Variants in LIMA1 observed in about 807,000 individuals in gnomAD.
The protein encoded by LIMA1 is LIM domain and actin-binding protein 1.
A neutral mutation model predicts 62.6 loss-of-function variants in LIMA1; 52 were observed. The ratio of observed to expected loss-of-function variants is 0.83; its 90% confidence interval spans 0.67 to 1.05. LIMA1 has a LOEUF of 1.05. LIMA1 is among the 50% of genes least tolerant of loss of function. The pLI is 0.00. For synonymous variants in LIMA1, 302 were observed against 317.8 expected (o/e 0.95, Z 0.53); for missense variants, 780 against 902.2 (o/e 0.86, Z 1.74).
intron 1 of LIMA1, among the ~76,000 whole-genome samples, chr12:50,265,076 C>CT (rs1479480426): frequency 6.6e-6 from 1 of 150,956 alleles, no homozygotes; most frequent in Non-Finnish European, 1.5e-5. Context: ...TTGCCTGAGC[C>CT]TAGGAGATTG....
At chr12:50,184,239 G>A (rs1000456777) in intron 9 of LIMA1, among the ~76,000 whole-genome samples, 4 of 152,182 alleles carry the variant, frequency 2.6e-5, no homozygotes, top group African/African-American at 7.2e-5. Context: ...ACACATTATC[G>A]TATTTGGAGT....
intron 8 of LIMA1, among the ~76,000 whole-genome samples, chr12:50,193,579 ATACATG>A (rs1285255288): frequency 1.5e-5 from 2 of 136,700 alleles, no homozygotes; most frequent in African/African-American, 5.5e-5. Flanking sequence ...TGATATATAT[ATACATG>A]TATATATGAT....
chr12:50,237,616 A>C (rs1242046669), intron 2 of LIMA1, among the ~76,000 whole-genome samples: 1 of 152,130 alleles, frequency 6.6e-6, no homozygotes, highest in African/African-American at 2.4e-5. Context: ...CAGCCTGGGC[A>C]ACAGAGTGAG....
chr12:50,237,332 G>A (rs1289622204), intron 2 of LIMA1, among the ~76,000 whole-genome samples: 1 of 152,130 alleles, frequency 6.6e-6, no homozygotes, highest in South Asian at 2.1e-4. Flanking sequence ...TAATGCCACT[G>A]AACTGTGTTC....
At chr12:50,208,386 T>C (rs565470750) in intron 4 of LIMA1, among the ~76,000 whole-genome samples, 106 of 152,280 alleles carry the variant, frequency 7.0e-4, no homozygotes, top group African/African-American at 2.5e-3. Flanking sequence ...CTCAGGAGGC[T>C]GAAGCAGGAG....
At chr12:50,273,994 GA>G (rs1434741247) in intron 1 of LIMA1, among the ~76,000 whole-genome samples, 5 of 152,148 alleles carry the variant, frequency 3.3e-5, no homozygotes, top group African/African-American at 4.8e-5. Context: ...CTGGATCCTG[GA>G]AACACCTTAG....
chr12:50,206,051 G>A lies in LIMA1; in HGVS notation c.648C>T (p.Ser216=). The change falls in exon 5 of 11, where the codon AGC becomes AGT. Residue 216 remains serine, a synonymous_variant. Transcript: ENST00000341247. ...PTQTKILRAQ[S]RSASGRKISE... is the part of the protein sequence containing the mutation. The stretch of plus-strand genomic sequence containing the variant: ...AGATCTTCCTTCCACTTGCACTTCG[G>A]CTTTGGGCCCGGAGAATCTGGAAAA... The A allele has an allele frequency of 6.2e-7, 1 of 1,612,756 alleles. No individual in the cohort carries two copies. The highest frequency in any genetic ancestry group is 8.5e-7 in the Non-Finnish European group (1 of 1,179,182).
intron 1 of LIMA1, among the ~76,000 whole-genome samples, chr12:50,251,001 A>G (rs926174285): frequency 1.3e-5 from 2 of 152,330 alleles, no homozygotes; most frequent in Admixed American, 6.5e-5. Flanking sequence ...AATTCTATAC[A>G]TGTACTTTGC....
At position 50,177,148 on chromosome 12, in the gene LIMA1, C is replaced by A; in HGVS notation, c.2196G>T (p.Trp732Cys). The A allele has an allele frequency of 6.2e-7, 1 of 1,613,784 alleles. No individual in the cohort carries two copies. Among genetic ancestry groups the A allele is most frequent in the Non-Finnish European group, 8.5e-7 (1 of 1,179,898 alleles). Residue 732 changes from tryptophan to cysteine, a missense_variant, in exon 11 of 11, where the codon TGG becomes TGT. Physicochemically the swap from Trp to Cys is radical, Grantham distance 215 (BLOSUM62 -2). Coordinates refer to ENST00000341247, the MANE Select transcript of LIMA1 (RefSeq NM_016357.5). ...QNQKSQDVEL[W>C]EGEVVKELSV... ...AGAGCTCTTTGACCACTTCTCCCTC[C>A]CAGAGTTCCACATCCTGGGATTTCT...
intron 9 of LIMA1, chr12:50,187,172 G>A (rs1321940933): frequency 2.6e-5 from 4 of 152,058 alleles, no homozygotes; most frequent in Admixed American, 2.6e-4. Flanking sequence ...TAACAAATTT[G>A]CATGGCTTCA....
chr12:50,267,514 CT>C (rs927904807), intron 1 of LIMA1, among the ~76,000 whole-genome samples: 1 of 148,886 alleles, frequency 6.7e-6, no homozygotes, highest in Non-Finnish European at 1.5e-5. Context: ...ACCGTGCCCC[CT>C]GGCCACATTT....
intron 1 of LIMA1, among the ~76,000 whole-genome samples, chr12:50,269,835 G>A (rs1942182600): frequency 6.7e-6 from 1 of 148,626 alleles, no homozygotes; most frequent in South Asian, 2.1e-4. Flanking sequence ...CAAGAGAATC[G>A]CTTGAACCTG....
chr12:50,206,858 G>C (rs1941162860), intron 4 of LIMA1, among the ~76,000 whole-genome samples: 1 of 152,102 alleles, frequency 6.6e-6, no homozygotes, highest in Non-Finnish European at 1.5e-5. Context: ...TGCACTGTAA[G>C]CTCACTAAGG....
chr12:50,242,275 A>G (rs761887310), intron 2 of LIMA1, among the ~76,000 whole-genome samples: 2 of 152,040 alleles, frequency 1.3e-5, no homozygotes, highest in Non-Finnish European at 2.9e-5. Flanking sequence ...GCGAAAGAAG[A>G]GGAAGTTAAC....
chr12:50,195,232 A>T (rs1269346682), intron 8 of LIMA1, among the ~76,000 whole-genome samples: 1 of 152,128 alleles, frequency 6.6e-6, no homozygotes, highest in Non-Finnish European at 1.5e-5. Context: ...GTTATACTGA[A>T]AATCAGAATA....
At chr12:50,253,299 T>C (rs1443371180) in intron 1 of LIMA1, among the ~76,000 whole-genome samples, 2 of 152,238 alleles carry the variant, frequency 1.3e-5, no homozygotes, top group African/African-American at 2.4e-5. Flanking sequence ...ACTAACTTTA[T>C]GCTTTGCATA....
At chr12:50,232,468 CAA>C (rs545824280) in intron 2 of LIMA1, among the ~76,000 whole-genome samples, 13 of 151,060 alleles carry the variant, frequency 8.6e-5, no homozygotes, top group Non-Finnish European at 1.8e-4. Flanking sequence ...CTCCAGGGCT[CAA>C]GTGATCCCAC....
At chr12:50,241,676 C>A (rs938872482) in intron 2 of LIMA1, among the ~76,000 whole-genome samples, 1 of 152,120 alleles carries the variant, frequency 6.6e-6, no homozygotes, top group African/African-American at 2.4e-5. Flanking sequence ...TACACCACCT[C>A]TTTCTTCCAA....
chr12:50,210,418 C>CA (rs769288381), intron 4 of LIMA1, among the ~76,000 whole-genome samples: 3,080 of 90,610 alleles, frequency 0.034, 139 homozygotes, highest in African/African-American at 0.099. Context: ...ACCCCATTTC[C>CA]AAAAAAAAAA....
Sources: allele counts gnomAD v4.1 joint callset (sites outside exome capture counted in the v4.1 genomes callset), GRCh38; gene constraint gnomAD v4.1.1; transcripts MANE v1.5; gene names NCBI Gene and HGNC (gene_info 2026-07-23, HGNC 2026-07-21).